Variants in TTC34 observed in about 807,000 individuals in gnomAD.
TTC34 encodes tetratricopeptide repeat domain 34.
Under a neutral mutation model 40.7 loss-of-function variants are expected in TTC34, and 44 were observed. The ratio of observed to expected loss-of-function variants is 1.08; its 90% CI spans 0.85 to 1.39. The LOEUF (loss-of-function observed/expected upper bound fraction) is 1.39, where lower values mean the gene tolerates loss of function less well. Ranked by LOEUF, TTC34 falls within the 40% of genes most tolerant of loss-of-function variation. TTC34 has a pLI of 0.00. For synonymous variants in TTC34, 422 were observed against 398.6 expected (o/e 1.06, Z -0.70); for missense variants, 884 against 838.0 (o/e 1.05, Z -0.68).
intron 6 of TTC34, among the ~76,000 whole-genome samples, chr1:2,686,545 T>G (rs1640358016): frequency 8.2e-6 from 1 of 122,028 alleles, no homozygotes; most frequent in Non-Finnish European, 1.7e-5. Flanking sequence ...TCTGACAGCC[T>G]GGAACAGCAC....
At chr1:2,781,422 A>AT (rs199675991) in intron 6 of TTC34, among the ~76,000 whole-genome samples, 2,539 of 151,822 alleles carry the variant, frequency 0.017, 39 homozygotes, top group East Asian at 0.067. Context: ...AGTTCTAACA[A>AT]TTTTTTTTTG....
At chr1:2,786,433 T>C (rs1482143296) in intron 4 of TTC34, among the ~76,000 whole-genome samples, 1 of 152,214 alleles carries the variant, frequency 6.6e-6, no homozygotes, top group African/African-American at 2.4e-5. Context: ...AGGGACTGTG[T>C]GTCCCCACCT....
At chr1:2,657,549 G>T (rs1639395240) in intron 6 of TTC34, among the ~76,000 whole-genome samples, 1 of 98,376 alleles carries the variant, frequency 1.0e-5, no homozygotes, top group Non-Finnish European at 2.6e-5. Flanking sequence ...AACTCCAGGT[G>T]AGCATCTGAC....
chr1:2,654,244 CCACACCACCAGGTGAGCATCT>C (rs1639258371), intron 6 of TTC34, among the ~76,000 whole-genome samples: 2 of 150,708 alleles, frequency 1.3e-5, no homozygotes, highest in East Asian at 2.0e-4. Context: ...GGAGCAGCAC[CCACACCACCAGGTGAGCATCT>C]GACAGCCTGG....
chr1:2,688,714 C>A (rs1359157305), intron 6 of TTC34, among the ~76,000 whole-genome samples: 1 of 121,680 alleles, frequency 8.2e-6, no homozygotes, highest in African/African-American at 3.9e-5. Context: ...ATCTGACAGC[C>A]TGGAACAGCG....
intron 6 of TTC34, among the ~76,000 whole-genome samples, chr1:2,676,930 C>T (rs1293950487): frequency 6.1e-5 from 9 of 147,936 alleles, no homozygotes; most frequent in African/African-American, 1.3e-4. Flanking sequence ...ACCCACACCC[C>T]CAGGTGAGCA....
At chr1:2,768,374 C>T (rs1476972213) in intron 6 of TTC34, among the ~76,000 whole-genome samples, 33 of 152,122 alleles carry the variant, frequency 2.2e-4, no homozygotes, top group African/African-American at 7.9e-4. Flanking sequence ...AAACCATGCC[C>T]ACCACAAGGT....
At chr1:2,651,108 A>G (rs575821876) in intron 6 of TTC34, among the ~76,000 whole-genome samples, 127 of 150,630 alleles carry the variant, frequency 8.4e-4, no homozygotes, top group African/African-American at 3.0e-3. Context: ...GGCACCCCAA[A>G]CCCCCAGGTG....
chr1:2,695,753 C>A (rs1229048662), intron 6 of TTC34, among the ~76,000 whole-genome samples: 5 of 151,490 alleles, frequency 3.3e-5, no homozygotes, highest in Admixed American at 3.3e-4. Flanking sequence ...ACAGCACCCA[C>A]ACCCCCAGGT....
chr1:2,699,529 C>T (rs1374364239), intron 6 of TTC34, among the ~76,000 whole-genome samples: 1 of 131,276 alleles, frequency 7.6e-6, no homozygotes, highest in Non-Finnish European at 1.7e-5. Flanking sequence ...GAACACCACC[C>T]ACATCCCCAG....
chr1:2,687,474 C>G (rs1409816782), intron 6 of TTC34, among the ~76,000 whole-genome samples: 1 of 147,630 alleles, frequency 6.8e-6, no homozygotes, highest in African/African-American at 2.7e-5. Context: ...CAGCCTGGAA[C>G]AGCACCCACA....
exon 4 of TTC34, chr1:2,787,546 C>T: frequency 6.5e-7 from 1 of 1,540,180 alleles, no homozygotes; most frequent in Non-Finnish European, 8.8e-7. Context: ...AGCACAGGGG[C>T]TGCCTGGGGC....
chr1:2,749,386 T>A (rs1396903178), intron 6 of TTC34, among the ~76,000 whole-genome samples: 2 of 87,160 alleles, frequency 2.3e-5, no homozygotes, highest in African/African-American at 6.2e-5. Context: ...CCTGACAGCC[T>A]GGAACAGCAC....
chr1:2,675,307 G>T (rs1330519548), intron 6 of TTC34, among the ~76,000 whole-genome samples: 1 of 115,870 alleles, frequency 8.6e-6, no homozygotes, highest in Non-Finnish European at 2.0e-5. Context: ...TGACAGCCTG[G>T]AACAGCAACC....
rs1223901386 is a variant in TTC34, at chr1:2,796,374, T to C, written c.784+3670A>G. 6.6e-6 allele frequency among the ~76,000 whole-genome samples: 1 copy of C among 152,266 alleles called. No homozygotes were observed. Among genetic ancestry groups the C allele is most frequent in the Non-Finnish European group, 1.5e-5 (1 of 68,044 alleles). On this transcript the variant is annotated intron_variant, in intron 2 of 8. Transcript: ENST00000401095. The surrounding 1 kb of genome is among the most constrained non-coding windows in gnomAD (Gnocchi z 4.5). ...AAATTCATTTCTTCTCTTCTCATCG[T>C]AAGCCATGCTTGTGCTGGTGCTGGC...
intron 6 of TTC34, among the ~76,000 whole-genome samples, chr1:2,683,309 A>T (rs1178762153): frequency 2.1e-5 from 3 of 143,950 alleles, no homozygotes; most frequent in South Asian, 2.3e-4. Context: ...CAGAATCCAC[A>T]CCCCCAGGTG....
In TTC34 at chr1:2,645,587, G is replaced by GGGGGGGGCC; in HGVS notation, c.2227-25_2227-24insGGCCCCCCC. On this transcript the variant is annotated intron_variant, in intron 6 of 8. Coordinates refer to ENST00000401095, the Ensembl canonical transcript of TTC34. The surrounding 1 kb of genome is among the most constrained non-coding windows in gnomAD (Gnocchi z 4.7). The stretch of plus-strand genomic sequence containing the variant: ...TCCTGCAAGGAGGGAGGGCGGGCGG[G>GGGGGGGGCC]TGCAGAGTTGTCCTAAGTAGAGAAA... 2 of 229,526 alleles carry GGGGGGGGCC rather than the reference G, an allele frequency of 8.7e-6. No individual in the cohort carries two copies. Among genetic ancestry groups the GGGGGGGGCC allele is most frequent in the Non-Finnish European group, 1.7e-5 (2 of 116,452 alleles). The allele number at this position is 229,526 out of a possible 1,614,324, so 14.2% of individuals were successfully genotyped here.
intron 6 of TTC34, among the ~76,000 whole-genome samples, chr1:2,655,863 G>A (rs1372428353): frequency 1.1e-5 from 1 of 88,582 alleles, no homozygotes; most frequent in Non-Finnish European, 2.6e-5. Flanking sequence ...ACCCCCAGGC[G>A]AGCATCTGAC....
intron 6 of TTC34, among the ~76,000 whole-genome samples, chr1:2,752,603 GGACAAACACCCCCAGGCGAGCATCTGA>G (rs1641361378): frequency 4.1e-5 from 1 of 24,510 alleles, no homozygotes; most frequent in African/African-American, 2.8e-4. Flanking sequence ...ACCTGGAACA[GGACAAACACCCCCAGGCGAGCATCTGA>G]CACCCTGGAA....
Sources: allele counts gnomAD v4.1 joint callset (sites outside exome capture counted in the v4.1 genomes callset), GRCh38; gene constraint gnomAD v4.1.1; non-coding constraint Gnocchi (gnomAD v3.1); transcripts MANE v1.5; gene names NCBI Gene and HGNC (gene_info 2026-07-23, HGNC 2026-07-21).